ANKDD1B: variants seen among roughly 807,000 people sequenced by gnomAD.
ANKDD1B encodes the protein ankyrin repeat and death domain containing 1B.
Under a neutral mutation model 59.7 loss-of-function variants are expected in ANKDD1B, and 57 were observed. The observed-to-expected ratio is 0.95, with a 90% CI of 0.77 to 1.19. ANKDD1B has a LOEUF of 1.19. Ranked by LOEUF, ANKDD1B falls within the 50% of genes most tolerant of loss-of-function variation. ANKDD1B has a pLI of 0.00. For missense variants in ANKDD1B, 602 were observed against 641.9 expected, an observed-to-expected ratio of 0.94 and a Z score of 0.67; for synonymous variants, 216 against 239.5, an observed-to-expected ratio of 0.90 and a Z score of 0.91.
chr5:75,666,992 G>C lies in ANKDD1B; in HGVS notation c.1392G>C (p.Ser464=). The C allele has an allele frequency of 2.7e-6, 4 of 1,468,858 alleles. No homozygotes were observed. The highest frequency in any genetic ancestry group is 3.6e-6 in the Non-Finnish European group (4 of 1,116,400). The allele number at this position is 1,468,858 out of a possible 1,614,324, so 91.0% of individuals were successfully genotyped here. Residue 464 remains serine, a splice_region_variant and synonymous_variant, in exon 12 of 14, where the codon TCG becomes TCC. Coordinates refer to ENST00000601380, the MANE Select transcript of ANKDD1B (RefSeq NM_001276713.2). ...DQIRAIEEQW[S]GNESFREHGH... is the part of the protein sequence containing the mutation. The stretch of plus-strand genomic sequence containing the variant: ...TTAGAGCCATTGAGGAGCAGTGGTC[G>C]GGTGAGTACAGACTAGATGATGTGG...
At chr5:75,629,787 A>G (rs1268050561) in intron 5 of ANKDD1B, among the ~76,000 whole-genome samples, 3 of 151,788 alleles carry the variant, frequency 2.0e-5, no homozygotes, top group Non-Finnish European at 4.4e-5. Flanking sequence ...AATACAAAAC[A>G]TTAGCTGGCG....
chr5:75,625,003 T>A (rs1344583237), intron 3 of ANKDD1B, among the ~76,000 whole-genome samples: 1 of 152,236 alleles, frequency 6.6e-6, no homozygotes, highest in African/African-American at 2.4e-5. Context: ...AGCATTCCTA[T>A]GTTGATAGGC....
At position 75,669,280 on chromosome 5, in the gene ANKDD1B, C is replaced by T; in HGVS notation, c.1422C>T (p.His474=). 1 of 1,232,144 alleles carries T rather than the reference C, an allele frequency of 8.1e-7. No homozygotes were observed. Among genetic ancestry groups the T allele is most frequent in the Non-Finnish European group, 1.0e-6 (1 of 987,970 alleles). 76.3% of individuals were successfully genotyped at this position (1,232,144 alleles called of 1,614,324 possible). Residue 474 remains histidine, a synonymous_variant, in exon 13 of 14, where the codon CAC becomes CAT. Transcript: ENST00000601380. ...ATGAAAGCTTCCGTGAACATGGCCA[C>T]AGGGCTCTGCTTATCTGGCTACACG... is the stretch of plus-strand genomic sequence containing the variant. ...SGNESFREHG[H]RALLIWLHGT...
intron 7 of ANKDD1B, among the ~76,000 whole-genome samples, chr5:75,643,344 T>A (rs1386863600): frequency 4.4e-5 from 1 of 22,658 alleles, no homozygotes; most frequent in Non-Finnish European, 6.6e-5. Flanking sequence ...AGTTGAAAAC[T>A]TTGAAAAAAA....
intron 7 of ANKDD1B, among the ~76,000 whole-genome samples, chr5:75,647,979 A>C (rs1171479237): frequency 8.3e-6 from 1 of 120,270 alleles, no homozygotes; most frequent in East Asian, 2.2e-4. Flanking sequence ...GGAAACCATC[A>C]TTCTCAGTAA....
chr5:75,613,963 A>C (rs1171624747), intron 1 of ANKDD1B, among the ~76,000 whole-genome samples: 1 of 152,246 alleles, frequency 6.6e-6, no homozygotes, highest in Non-Finnish European at 1.5e-5. Flanking sequence ...CTGTCTTTAC[A>C]TTTAAAAGAA....
chr5:75,640,920 A>G (rs1774445650), intron 7 of ANKDD1B, among the ~76,000 whole-genome samples: 1 of 152,234 alleles, frequency 6.6e-6, no homozygotes, highest in Non-Finnish European at 1.5e-5. Flanking sequence ...TGGGGAAGGA[A>G]TAATTGAAAA....
intron 1 of ANKDD1B, among the ~76,000 whole-genome samples, chr5:75,612,579 G>T (rs575739827): frequency 6.6e-6 from 1 of 152,026 alleles, no homozygotes. Flanking sequence ...AGTCATTCTA[G>T]AACTATTTTC....
intron 1 of ANKDD1B, among the ~76,000 whole-genome samples, chr5:75,612,393 G>A (rs1206301567): frequency 7.6e-6 from 1 of 131,152 alleles, no homozygotes; most frequent in East Asian, 2.2e-4. Flanking sequence ...GCACAGGCTG[G>A]AAGGCAGTAG....
chr5:75,651,551 G>A (rs1020200238), intron 7 of ANKDD1B, among the ~76,000 whole-genome samples: 2 of 152,210 alleles, frequency 1.3e-5, no homozygotes, highest in African/African-American at 2.4e-5. Context: ...ATTATGCTGA[G>A]CATTGAATGT....
chr5:75,636,801 G>A (rs1774315626), intron 7 of ANKDD1B, among the ~76,000 whole-genome samples: 1 of 152,158 alleles, frequency 6.6e-6, no homozygotes, highest in Non-Finnish European at 1.5e-5. Context: ...TGGGGAGAGG[G>A]AGGACTTTCT....
Position 75,628,960 on chromosome 5 carries a change from T to C in ANKDD1B, c.600+3005T>C, listed in dbSNP as rs573934150. Among the ~76,000 whole-genome samples the C allele has an allele frequency of 3.9e-5, 6 of 152,356 alleles. 1 individual carries two copies. The South Asian group carries it at 1.2e-3, about 32-fold the overall frequency. ...ATAGAAAGGCCTCACACGCCATTCA[T>C]ATATTTGTTGAATATTTACAAGAAT... On this transcript the variant is annotated intron_variant, in intron 5 of 13. Transcript: ENST00000601380.
At chr5:75,656,180 G>C in intron 9 of ANKDD1B, 53 bp downstream of exon 9, 1 of 870,036 alleles carries the variant, frequency 1.1e-6, no homozygotes, top group Non-Finnish European at 1.8e-6. Context: ...TTTCAACACA[G>C]TGTGTGTTTA....
At chr5:75,626,319 C>T (rs1387139326) in intron 5 of ANKDD1B, among the ~76,000 whole-genome samples, 1 of 152,182 alleles carries the variant, frequency 6.6e-6, no homozygotes, top group Non-Finnish European at 1.5e-5. Flanking sequence ...CAAAGCTATA[C>T]AGTAATGAGC....
chr5:75,631,733 C>T (rs1230829767), intron 5 of ANKDD1B, among the ~76,000 whole-genome samples: 2 of 152,130 alleles, frequency 1.3e-5, no homozygotes, highest in African/African-American at 4.8e-5. Flanking sequence ...AATTTGTGCC[C>T]ACATCTTCTG....
intron 7 of ANKDD1B, among the ~76,000 whole-genome samples, chr5:75,650,679 C>A (rs1561445569): frequency 6.6e-6 from 1 of 152,182 alleles, no homozygotes; most frequent in Non-Finnish European, 1.5e-5. Context: ...TAGCATCATG[C>A]AAGCTAGATT....
chr5:75,624,872 G>T (rs1007850806), intron 3 of ANKDD1B, among the ~76,000 whole-genome samples: 1 of 151,992 alleles, frequency 6.6e-6, no homozygotes, highest in Non-Finnish European at 1.5e-5. Flanking sequence ...CATATTTATT[G>T]TCTATCTTAT....
intron 1 of ANKDD1B, among the ~76,000 whole-genome samples, chr5:75,615,123 G>T (rs1232323186): frequency 6.6e-6 from 1 of 152,142 alleles, no homozygotes; most frequent in Non-Finnish European, 1.5e-5. Flanking sequence ...ATGAAAAAGG[G>T]CTAGAACTGT....
At chr5:75,668,845 G>A (rs1340519957) in intron 12 of ANKDD1B, among the ~76,000 whole-genome samples, 1 of 152,184 alleles carries the variant, frequency 6.6e-6, no homozygotes, top group Non-Finnish European at 1.5e-5. Flanking sequence ...AGCAGCACCC[G>A]GGAGTTTGTT....
Sources: gnomAD v4.1 joint callset for allele counts (sites outside exome capture counted in the v4.1 genomes callset) on GRCh38, gnomAD v4.1.1 for gene constraint, MANE v1.5 for transcripts, NCBI Gene and HGNC (gene_info 2026-07-23, HGNC 2026-07-21) for gene names.